The following TENM3 variants were observed in gnomAD, a reference collection of about 807,000 sequenced individuals.
TENM3 encodes the protein teneurin-3.
In TENM3, 63 loss-of-function variants were observed where a neutral mutation model predicts 255.1. The observed-to-expected ratio is 0.25, with a 90% CI of 0.20 to 0.30. The LOEUF (loss-of-function observed/expected upper bound fraction) is 0.30, where lower values mean the gene tolerates loss of function less well. TENM3 is among the 10% of genes least tolerant of loss of function. The pLI, the probability that TENM3 is intolerant of heterozygous loss-of-function variation, is 1.00. For synonymous variants in TENM3, 1,306 were observed against 1,322.3 expected, an observed-to-expected ratio of 0.99 and a Z score of 0.27; for missense variants, 2,929 against 3,461.1, an observed-to-expected ratio of 0.85 and a Z score of 3.86.
chr4:181,570,824 C>G, the TENM3 span, among the ~76,000 whole-genome samples: 1 of 152,166 alleles, frequency 6.6e-6, no homozygotes, highest in South Asian at 2.1e-4. Flanking sequence ...GAGGCAACAC[C>G]TGTGAAGGGA....
the TENM3 span, among the ~76,000 whole-genome samples, chr4:181,778,818 C>T: frequency 6.6e-6 from 1 of 152,068 alleles, no homozygotes. Flanking sequence ...TCCAAGAGTT[C>T]CTTACTGGAA....
At chr4:181,567,965 G>T in the TENM3 span, among the ~76,000 whole-genome samples, 6 of 152,008 alleles carry the variant, frequency 3.9e-5, no homozygotes, top group African/African-American at 1.2e-4. Context: ...TCAGAGACGT[G>T]CTTTCTAAGA....
chr4:182,340,284 G>A (rs1764406228), intron 2 of TENM3, among the ~76,000 whole-genome samples: 1 of 152,146 alleles, frequency 6.6e-6, no homozygotes, highest in Admixed American at 6.5e-5. Flanking sequence ...GATGATTGCC[G>A]AGGGGATGTC....
At chr4:181,799,672 C>T in the TENM3 span, among the ~76,000 whole-genome samples, 6 of 152,134 alleles carry the variant, frequency 3.9e-5, no homozygotes, top group African/African-American at 1.2e-4. Context: ...AAGAGGCTAG[C>T]GCATTAAGAC....
chr4:181,589,905 T>C, the TENM3 span, among the ~76,000 whole-genome samples: 1 of 152,152 alleles, frequency 6.6e-6, no homozygotes, highest in African/African-American at 2.4e-5. Flanking sequence ...CACATGGAAA[T>C]GTTATCTCCT....
the TENM3 span, among the ~76,000 whole-genome samples, chr4:181,670,033 C>T: frequency 1.3e-5 from 2 of 152,182 alleles, no homozygotes; most frequent in Admixed American, 6.5e-5. Flanking sequence ...ATTTTATTTT[C>T]ATAGATATAC....
At chr4:181,538,061 T>G in the TENM3 span, among the ~76,000 whole-genome samples, 1 of 152,258 alleles carries the variant, frequency 6.6e-6, no homozygotes, top group African/African-American at 2.4e-5. Context: ...ATTAGTAAAA[T>G]CAAAATTTAT....
At chr4:182,126,740 G>A in the TENM3 span, among the ~76,000 whole-genome samples, 1 of 152,126 alleles carries the variant, frequency 6.6e-6, no homozygotes, top group Non-Finnish European at 1.5e-5. Context: ...CACGAAAAGA[G>A]TTGAAGTGAA....
At chr4:182,785,201 C>A (rs2152818016) in intron 24 of TENM3, among the ~76,000 whole-genome samples, 1 of 151,810 alleles carries the variant, frequency 6.6e-6, no homozygotes, top group Admixed American at 6.5e-5. Flanking sequence ...CCCAGGCTCC[C>A]AAGTAGCTGG....
chr4:181,512,030 G>A, the TENM3 span, among the ~76,000 whole-genome samples: 52 of 152,136 alleles, frequency 3.4e-4, no homozygotes, highest in African/African-American at 1.2e-3. Flanking sequence ...GGAGTCCTCA[G>A]CACAGTCCTA....
chr4:182,257,065 A>G (rs914641007), intron 1 of TENM3, among the ~76,000 whole-genome samples: 3 of 152,172 alleles, frequency 2.0e-5, no homozygotes, highest in African/African-American at 7.2e-5. Context: ...AATGGTTATT[A>G]TATTTGGCAG....
chr4:182,222,101 C>T (rs1248578036), intron 1 of TENM3, among the ~76,000 whole-genome samples: 1 of 152,156 alleles, frequency 6.6e-6, no homozygotes, highest in African/African-American at 2.4e-5. Context: ...CATGTTAAAC[C>T]ACTAGAATGT....
At chr4:182,759,500 A>T (rs1762969853) in intron 22 of TENM3, among the ~76,000 whole-genome samples, 1 of 152,222 alleles carries the variant, frequency 6.6e-6, no homozygotes, top group South Asian at 2.1e-4. Flanking sequence ...CTGATTTTTA[A>T]AAATATTTAC....
At chr4:182,384,673 C>T (rs772231250) in intron 3 of TENM3, among the ~76,000 whole-genome samples, 1 of 152,150 alleles carries the variant, frequency 6.6e-6, no homozygotes, top group Non-Finnish European at 1.5e-5. Flanking sequence ...TACAACTTAG[C>T]CTCTTCCTGC....
At position 182,426,007 on chromosome 4, in the gene TENM3, C is replaced by CAAAAAAAAAAAAAAAAAAA. The variant is rs55836889; in HGVS notation, c.511+79083_511+79101dup. 5.0e-3 allele frequency among the ~76,000 whole-genome samples: 456 copies of CAAAAAAAAAAAAAAAAAAA among 90,692 alleles called. 17 individuals are homozygous for CAAAAAAAAAAAAAAAAAAA. Among genetic ancestry groups the CAAAAAAAAAAAAAAAAAAA allele is most frequent in the Middle Eastern group, 0.026 (4 of 156 alleles). 59.5% of individuals were successfully genotyped at this position (90,692 alleles called of 152,430 possible). On this transcript the variant is annotated intron_variant, in intron 3 of 27. Transcript: ENST00000511685. ...TAAGAGACAGAGCGAGAGTCCATGT[C>CAAAAAAAAAAAAAAAAAAA]AAAAAAAAAAAAAAAAAAAAAAACA... is the stretch of plus-strand genomic sequence containing the variant.
At chr4:182,210,811 G>T (rs749450352) in intron 1 of TENM3, among the ~76,000 whole-genome samples, 1 of 152,008 alleles carries the variant, frequency 6.6e-6, no homozygotes, top group Non-Finnish European at 1.5e-5. Context: ...TCCCAACTCC[G>T]CACCTAAGCC....
chr4:182,486,636 C>T (rs1420565989), intron 3 of TENM3, among the ~76,000 whole-genome samples: 1 of 152,100 alleles, frequency 6.6e-6, no homozygotes, highest in Admixed American at 6.5e-5. Context: ...ATCACAAAAG[C>T]CACAGAAAAA....
chr4:181,849,947 T>TCACACACACACACA, the TENM3 span, among the ~76,000 whole-genome samples: 1 of 26,098 alleles, frequency 3.8e-5, no homozygotes, highest in East Asian at 1.5e-3. Flanking sequence ...TCTCTCTCTC[T>TCACACACACACACA]CTCACACACA....
the TENM3 span, among the ~76,000 whole-genome samples, chr4:181,733,020 G>A: frequency 1.3e-5 from 2 of 152,098 alleles, no homozygotes; most frequent in East Asian, 1.9e-4. Flanking sequence ...AATTAGAATC[G>A]CCTAACTGTA....
Sources: allele counts gnomAD v4.1 joint callset (sites outside exome capture counted in the v4.1 genomes callset), GRCh38; gene constraint gnomAD v4.1.1; transcripts MANE v1.5; gene names NCBI Gene and HGNC (gene_info 2026-07-23, HGNC 2026-07-21).